The following GLIS3 variants were observed in gnomAD, a reference collection of about 807,000 sequenced individuals.
The protein encoded by GLIS3 is GLIS family zinc finger 3, also known as zinc finger protein GLIS3.
A neutral mutation model predicts 78.6 loss-of-function variants in GLIS3; 53 were observed. That is an observed-to-expected ratio of 0.67 (90% CI 0.54 to 0.85). The LOEUF (loss-of-function observed/expected upper bound fraction) is 0.85. Among genes scored for constraint, GLIS3 ranks in the 40% least tolerant of loss-of-function variants. GLIS3 has a pLI of 0.00. For missense variants in GLIS3, 1,703 were observed against 1,231.1 expected, an observed-to-expected ratio of 1.38 and a Z score of -5.74; for synonymous variants, 684 against 509.9, an observed-to-expected ratio of 1.34 and a Z score of -4.60.
upstream of GLIS3, among the ~76,000 whole-genome samples, chr9:4,349,406 T>G (rs573476055): frequency 1.5e-3 from 230 of 152,346 alleles, no homozygotes; most frequent in Admixed American, 3.0e-3. Flanking sequence ...ACTGGAATTA[T>G]TTTATTTGTA....
chr9:4,400,762 G>C, the GLIS3 span, among the ~76,000 whole-genome samples: 1 of 152,166 alleles, frequency 6.6e-6, no homozygotes, highest in African/African-American at 2.4e-5. Flanking sequence ...AGAGTCATGA[G>C]GACCCTGCTC....
At chr9:3,991,946 T>C (rs1198078234) in intron 4 of GLIS3, among the ~76,000 whole-genome samples, 3 of 152,172 alleles carry the variant, frequency 2.0e-5, no homozygotes, top group Non-Finnish European at 4.4e-5. Context: ...CGCCTCGGCC[T>C]CCCAAAGTGC....
chr9:4,044,477 T>A (rs2130399181), intron 4 of GLIS3, among the ~76,000 whole-genome samples: 1 of 152,328 alleles, frequency 6.6e-6, no homozygotes, highest in East Asian at 1.9e-4. Flanking sequence ...CTGTTCCTGC[T>A]ACTCCACGCC....
intron 4 of GLIS3, among the ~76,000 whole-genome samples, chr9:3,995,602 T>A (rs779561820): frequency 6.6e-6 from 1 of 151,802 alleles, no homozygotes; most frequent in East Asian, 1.9e-4. Flanking sequence ...GCTGTGAAAA[T>A]TGACCAAGAA....
chr9:4,303,960 T>C (rs1418797189), upstream of GLIS3, among the ~76,000 whole-genome samples: 4 of 152,254 alleles, frequency 2.6e-5, no homozygotes, highest in East Asian at 7.7e-4. Flanking sequence ...CACAATGCCA[T>C]CTTATCTATA....
intron 2 of GLIS3, among the ~76,000 whole-genome samples, chr9:4,316,042 G>A (rs1817432240): frequency 1.3e-5 from 2 of 152,230 alleles, no homozygotes; most frequent in Admixed American, 6.5e-5. Context: ...TGATCACAAT[G>A]GAAATTTTAA....
intron 2 of GLIS3, among the ~76,000 whole-genome samples, chr9:4,190,006 G>A (rs1818185557): frequency 6.6e-6 from 1 of 151,986 alleles, no homozygotes; most frequent in Non-Finnish European, 1.5e-5. Context: ...CAAACAGAAA[G>A]GACATCCACA....
chr9:4,380,548 TAGG>T, the GLIS3 span, among the ~76,000 whole-genome samples: 1 of 152,214 alleles, frequency 6.6e-6, no homozygotes, highest in Non-Finnish European at 1.5e-5. Flanking sequence ...CAGAATCACA[TAGG>T]AGAACTTGTT....
At chr9:4,276,735 T>C (rs1203543997) in intron 2 of GLIS3, among the ~76,000 whole-genome samples, 2 of 152,164 alleles carry the variant, frequency 1.3e-5, no homozygotes, top group Non-Finnish European at 2.9e-5. Flanking sequence ...ACGCCTCCGA[T>C]TGAGTAATAC....
At chr9:4,058,957 G>C (rs1197690242) in intron 4 of GLIS3, among the ~76,000 whole-genome samples, 3 of 151,342 alleles carry the variant, frequency 2.0e-5, no homozygotes, top group East Asian at 3.9e-4. Context: ...ACTCCAGCGT[G>C]GGCCACAGAG....
chr9:4,182,579 C>T (rs537654525), intron 2 of GLIS3, among the ~76,000 whole-genome samples: 1 of 152,274 alleles, frequency 6.6e-6, no homozygotes, highest in African/African-American at 2.4e-5. Context: ...GGTATCACCA[C>T]AAACATCTTG....
the GLIS3 span, among the ~76,000 whole-genome samples, chr9:4,428,062 T>G: frequency 6.6e-6 from 1 of 151,824 alleles, no homozygotes; most frequent in South Asian, 2.1e-4. Context: ...GGGAATAGCA[T>G]GAAATCAAGT....
the GLIS3 span, among the ~76,000 whole-genome samples, chr9:4,411,657 A>G: frequency 1.3e-5 from 2 of 152,174 alleles, no homozygotes; most frequent in South Asian, 2.1e-4. Flanking sequence ...ATGGTGCTGT[A>G]TGCTGTATGG....
intron 2 of GLIS3, among the ~76,000 whole-genome samples, chr9:4,145,346 G>C (rs1291959312): frequency 6.6e-6 from 1 of 152,170 alleles, no homozygotes; most frequent in African/African-American, 2.4e-5. Context: ...GCTGGTAAAT[G>C]AAAAACTACA....
At chr9:4,077,218 G>C (rs1437072193) in intron 4 of GLIS3, among the ~76,000 whole-genome samples, 1 of 152,134 alleles carries the variant, frequency 6.6e-6, no homozygotes, top group African/African-American at 2.4e-5. Context: ...TAACCTTATA[G>C]CTTAATTTCT....
intron 4 of GLIS3, among the ~76,000 whole-genome samples, chr9:4,031,017 G>T (rs1373994375): frequency 6.6e-6 from 1 of 152,178 alleles, no homozygotes; most frequent in African/African-American, 2.4e-5. Flanking sequence ...CCAGGAAGTG[G>T]AGAAATTTGA....
At position 3,845,071 on chromosome 9, in the gene GLIS3, A is replaced by G. The variant is rs528065440; in HGVS notation, c.2473+10938T>C. On this transcript the variant is annotated intron_variant, in intron 9 of 10. Transcript: ENST00000381971. ...AGAAACTGTGCAAAGATATATATATATGTGTGTGTGTGTGTACAGGAGTGT... is the reference window on the plus strand; with the variant it reads ...AGAAACTGTGCAAAGATATATATATGTGTGTGTGTGTGTGTACAGGAGTGT... 5.1e-3 allele frequency among the ~76,000 whole-genome samples: 775 copies of G among 151,356 alleles called. 7 individuals are homozygous for G. Among genetic ancestry groups the G allele is most frequent in the African/African-American group, 0.014 (569 of 41,200 alleles).
At position 4,029,818 on chromosome 9, in the gene GLIS3, A is replaced by G. The variant is rs532759635; in HGVS notation, c.1710+87950T>C. 2.6e-3 allele frequency among the ~76,000 whole-genome samples: 399 copies of G among 152,232 alleles called. 3 individuals are homozygous for G. Among genetic ancestry groups the G allele is most frequent in the African/African-American group, 9.3e-3 (388 of 41,532 alleles). ...TTTTTATAGGACATTGTGTATATAT[A>G]CCACATTTTTTAATCCATTCATCCG... On this transcript the variant is annotated intron_variant, in intron 4 of 10. Transcript: ENST00000381971.
At chr9:4,469,807 G>C in the GLIS3 span, among the ~76,000 whole-genome samples, 14 of 152,210 alleles carry the variant, frequency 9.2e-5, no homozygotes, top group Admixed American at 8.5e-4. Flanking sequence ...GAAGGAGATA[G>C]AGACACAAAA....
Sources: gnomAD v4.1 joint callset for allele counts (sites outside exome capture counted in the v4.1 genomes callset) on GRCh38, gnomAD v4.1.1 for gene constraint, MANE v1.5 for transcripts, NCBI Gene and HGNC (gene_info 2026-07-23, HGNC 2026-07-21) for gene names.